The following RGS12 variants were observed in gnomAD, a reference collection of about 807,000 sequenced individuals.
RGS12 encodes the protein regulator of G protein signaling 12, also known as regulator of G-protein signaling 12.
In RGS12, 66 loss-of-function variants were observed where a neutral mutation model predicts 120.1. The observed-to-expected ratio is 0.55, with a 90% CI of 0.45 to 0.67. RGS12 has a LOEUF of 0.67. Among genes scored for constraint, RGS12 ranks in the 30% least tolerant of loss-of-function variants. The pLI, the probability that RGS12 is intolerant of heterozygous loss-of-function variation, is 0.00. For missense variants in RGS12, 1,859 were observed against 1,957.7 expected, an observed-to-expected ratio of 0.95 and a Z score of 0.95; for synonymous variants, 827 against 804.7, an observed-to-expected ratio of 1.03 and a Z score of -0.47.
chr4:3,414,635 C>T, intron 5 of RGS12, 117 bp from the exon 6 acceptor site: 1 of 759,366 alleles, frequency 1.3e-6, no homozygotes, highest in Non-Finnish European at 2.3e-6. Flanking sequence ...TTTCTCTCTC[C>T]AGGCCCTCGG....
At chr4:3,384,165 T>C (rs559730408) in intron 3 of RGS12, among the ~76,000 whole-genome samples, 25 of 152,206 alleles carry the variant, frequency 1.6e-4, no homozygotes, top group Non-Finnish European at 3.4e-4. Context: ...ATATTATTTA[T>C]TTATTTTAAG....
Position 3,307,127 on chromosome 4 carries a change from C to G in RGS12, c.-101-8943C>G, listed in dbSNP as rs1391695261. 5.3e-5 allele frequency among the ~76,000 whole-genome samples: 8 copies of G among 152,380 alleles called. 1 individual carries two copies. In the South Asian group the frequency reaches 1.2e-3, roughly 24 times the overall value. The stretch of plus-strand genomic sequence containing the variant: ...CACACCTCTTAACTGCCTCCCCCCA[C>G]AAGCTTAGGAGCTTTATGGGATGTG... On this transcript the variant is annotated intron_variant, in intron 1 of 17. Coordinates refer to ENST00000336727, the MANE Select transcript of RGS12 (RefSeq NM_001394154.1).
In RGS12 at chr4:3,434,002, C is replaced by T. The variant is rs547838521; in HGVS notation, c.4114+3047C>T. ...AGGCCCCTCGTGAGGCTCCAGGGCA[C>T]GCTGGCAGAGGTGTGCATGTGTCCA... On this transcript the variant is annotated intron_variant, in intron 17 of 17. Transcript: ENST00000336727. Among the ~76,000 whole-genome samples, 8 of 152,312 alleles carry T rather than the reference C, an allele frequency of 5.3e-5. No individual in the cohort carries two copies. In the East Asian group the frequency reaches 5.8e-4, roughly 11 times the overall value.
intron 3 of RGS12, among the ~76,000 whole-genome samples, chr4:3,375,052 G>A (rs1411321954): frequency 6.6e-6 from 1 of 152,126 alleles, no homozygotes; most frequent in East Asian, 1.9e-4. Flanking sequence ...TCATAACCCC[G>A]TAACCAACCC....
rs1279686188 is a variant in RGS12 at position 3,430,480 on chromosome 4, C to T, written c.3639C>T (p.Asp1213=). 1 of 1,613,912 alleles carries T rather than the reference C, an allele frequency of 6.2e-7. No homozygotes were observed. The highest frequency in any genetic ancestry group is 8.5e-7 in the Non-Finnish European group (1 of 1,180,026). The change falls in exon 17 of 18, where the codon GAC becomes GAT. Residue 1213 remains aspartate (D), a synonymous_variant. Transcript: ENST00000336727. ...DDQRGLLRKE[D]LVLPEFLRLP... ...AACGTGGGCTGCTAAGGAAGGAAGA[C>T]CTGGTGTTGCCAGAGTTCCTCCGTT...
chr4:3,415,777 T>A (rs1722326460), intron 6 of RGS12, among the ~76,000 whole-genome samples: 1 of 152,220 alleles, frequency 6.6e-6, no homozygotes, highest in African/African-American at 2.4e-5. Context: ...ACACTTTAAG[T>A]ATCCGTTTAA....
At position 3,433,351 on chromosome 4, in the gene RGS12, G is replaced by A. The variant is rs1339301526; in HGVS notation, c.4114+2396G>A. On this transcript the variant is annotated intron_variant, in intron 17 of 17. Transcript: ENST00000336727. This position sits in a 1 kb window ranked among gnomAD's most constrained non-coding sequence, Gnocchi z 4.4. ...ATGGTGGGCAGCATGCCGGCTACGCGTGGGGGCTGCCAGCAACAGCCTTGA... is the reference window on the plus strand; with the variant it reads ...ATGGTGGGCAGCATGCCGGCTACGCATGGGGGCTGCCAGCAACAGCCTTGA... 1.3e-5 allele frequency among the ~76,000 whole-genome samples: 2 copies of A among 152,180 alleles called. No homozygotes were observed. Among genetic ancestry groups the A allele is most frequent in the East Asian group, 1.9e-4 (1 of 5,180 alleles).
intron 3 of RGS12, among the ~76,000 whole-genome samples, chr4:3,343,864 T>A (rs6822719): frequency 0.076 from 11,563 of 152,302 alleles, 798 homozygotes; most frequent in African/African-American, 0.19. Context: ...TTCTTATTAA[T>A]GTCTTATTCT....
At chr4:3,344,443 T>C (rs898143302) in intron 3 of RGS12, among the ~76,000 whole-genome samples, 1 of 152,218 alleles carries the variant, frequency 6.6e-6, no homozygotes, top group African/African-American at 2.4e-5. Flanking sequence ...CATGCTGAGC[T>C]GACCATCTGT....
chr4:3,309,161 C>T (rs1436617014), intron 1 of RGS12, among the ~76,000 whole-genome samples: 3 of 12,104 alleles, frequency 2.5e-4, no homozygotes, highest in African/African-American at 1.1e-3. Context: ...TGAGGGGAAC[C>T]GTGTTGAGGA....
chr4:3,354,641 T>C (rs140306566), intron 3 of RGS12, among the ~76,000 whole-genome samples: 37 of 152,256 alleles, frequency 2.4e-4, no homozygotes, highest in Non-Finnish European at 7.4e-5. Flanking sequence ...CATTGCAAAA[T>C]AATCCAGAGT....
chr4:3,420,542 G>T, intron 9 of RGS12, 100 bp from the exon 10 acceptor site: 1 of 1,190,932 alleles, frequency 8.4e-7, no homozygotes, highest in Non-Finnish European at 1.2e-6. Flanking sequence ...GGGGCTTCCT[G>T]GCGTCTGTCT....
chr4:3,375,449 GCCTCATCTCCATC>G (rs2108913329), intron 3 of RGS12, among the ~76,000 whole-genome samples: 1 of 78,300 alleles, frequency 1.3e-5, no homozygotes, highest in Non-Finnish European at 2.7e-5. Flanking sequence ...CTCATCTCCA[GCCTCATCTCCATC>G]CCTCATCTCC....
chr4:3,330,627 A>T (rs1406394259), intron 2 of RGS12, among the ~76,000 whole-genome samples: 2 of 152,262 alleles, frequency 1.3e-5, no homozygotes, highest in African/African-American at 2.4e-5. Context: ...GGAGTAAAAA[A>T]AATGTAGTAT....
chr4:3,321,522 A>C (rs1725189561), intron 2 of RGS12, among the ~76,000 whole-genome samples: 2 of 152,208 alleles, frequency 1.3e-5, no homozygotes, highest in African/African-American at 4.8e-5. Flanking sequence ...GGCGCTGAGA[A>C]GAAATGCCTT....
chr4:3,289,518 T>C (rs1270483038), upstream of RGS12, among the ~76,000 whole-genome samples: 1 of 152,204 alleles, frequency 6.6e-6, no homozygotes, highest in Non-Finnish European at 1.5e-5. Context: ...ATTTTTATTT[T>C]TTACTTTTTT....
chr4:3,408,856 A>G (rs1490313814), intron 4 of RGS12, among the ~76,000 whole-genome samples: 1 of 152,070 alleles, frequency 6.6e-6, no homozygotes, highest in African/African-American at 2.4e-5. Flanking sequence ...TCACACTGGG[A>G]GGAATTACTG....
intron 7 of RGS12, 91 bp downstream of exon 7, chr4:3,416,212 C>A: frequency 6.9e-7 from 1 of 1,441,466 alleles, no homozygotes; most frequent in Non-Finnish European, 9.5e-7. Flanking sequence ...ATCAGGCAGG[C>A]CAGTGGATCG....
rs1327987107 is a variant in RGS12, at chr4:3,417,044, C to T, written c.2559C>T (p.Ser853=). 1 of 1,613,032 alleles carries T rather than the reference C, an allele frequency of 6.2e-7. No individual in the cohort carries two copies. Among genetic ancestry groups the T allele is most frequent in the Non-Finnish European group, 8.5e-7 (1 of 1,179,676 alleles). Residue 853 remains serine, a synonymous_variant, in exon 8 of 18, where the codon TCC becomes TCT. Coordinates refer to ENST00000336727, the MANE Select transcript of RGS12 (RefSeq NM_001394154.1). ...AGCAGGTCCCCAGCAGCCCGGCTTC[C>T]AAGCACAGCCTCGGTTCAGACCACT... ...DSQQVPSSPA[S]KHSLGSDHSS...
Sources: allele counts gnomAD v4.1 joint callset (sites outside exome capture counted in the v4.1 genomes callset), GRCh38; gene constraint gnomAD v4.1.1; non-coding constraint Gnocchi (gnomAD v3.1); transcripts MANE v1.5; gene names NCBI Gene and HGNC (gene_info 2026-07-23, HGNC 2026-07-21).